PTPRS: variants seen among roughly 807,000 people sequenced by gnomAD.
The protein encoded by PTPRS is receptor-type tyrosine-protein phosphatase S.
In PTPRS, 63 loss-of-function variants were observed where a neutral mutation model predicts 215.3. The observed-to-expected ratio is 0.29, with a 90% CI of 0.24 to 0.36. The LOEUF (loss-of-function observed/expected upper bound fraction) is 0.36, where lower values mean the gene tolerates loss of function less well. Ranked by LOEUF, PTPRS falls within the 10% of genes least tolerant of loss-of-function variation. The probability of loss-of-function intolerance (pLI) is 1.00; values close to 1 mark genes in which losing one functional copy is unlikely to be tolerated. For synonymous variants in PTPRS, 1,404 were observed against 1,191.4 expected, an observed-to-expected ratio of 1.18 and a Z score of -3.68; for missense variants, 2,258 against 2,825.8, an observed-to-expected ratio of 0.80 and a Z score of 4.56.
chr19:5,216,817 G>C, intron 25 of PTPRS, 50 bp from the exon 26 acceptor site: 1 of 1,285,018 alleles, frequency 7.8e-7, no homozygotes. Flanking sequence ...GGGTAGGGGG[G>C]GGTCCCACCT....
chr19:5,233,247 C>G (rs867712464), intron 13 of PTPRS, among the ~76,000 whole-genome samples: 1 of 151,802 alleles, frequency 6.6e-6, no homozygotes, highest in Admixed American at 6.6e-5. Flanking sequence ...TATTAGACAC[C>G]TACTATGTGC....
intron 1 of PTPRS, among the ~76,000 whole-genome samples, chr19:5,317,704 T>C (rs749708329): frequency 5.9e-5 from 9 of 152,136 alleles, no homozygotes; most frequent in South Asian, 2.1e-4. Flanking sequence ...CAAACTCACA[T>C]AGATCTTTAA....
intron 1 of PTPRS, among the ~76,000 whole-genome samples, chr19:5,308,226 A>T (rs779810843): frequency 2.0e-5 from 3 of 152,180 alleles, no homozygotes; most frequent in Non-Finnish European, 4.4e-5. Flanking sequence ...GTTCCCCTCG[A>T]CGCTGCCACC....
At chr19:5,336,654 G>A (rs2050511059) in intron 1 of PTPRS, among the ~76,000 whole-genome samples, 1 of 152,128 alleles carries the variant, frequency 6.6e-6, no homozygotes, top group African/African-American at 2.4e-5. Context: ...AATCCATGGT[G>A]AATTTTTGGT....
chr19:5,264,668 G>A (rs2046273052), intron 5 of PTPRS, among the ~76,000 whole-genome samples: 2 of 152,134 alleles, frequency 1.3e-5, no homozygotes, highest in South Asian at 4.1e-4. Context: ...TGATCTCACT[G>A]CCTGAGCATG....
rs1599535443 is a variant in PTPRS at position 5,229,689 on chromosome 19, C to CGGGCGGGAGGGGAGGGGAG, written c.2156-24_2156-6dup. 2.9e-6 allele frequency: 1 copy of CGGGCGGGAGGGGAGGGGAG among 350,286 alleles called. No homozygotes were observed. Among genetic ancestry groups the CGGGCGGGAGGGGAGGGGAG allele is most frequent in the Non-Finnish European group, 4.4e-6 (1 of 229,586 alleles). The allele number at this position is 350,286 out of a possible 1,614,324, so 21.7% of individuals were successfully genotyped here. ...TCCGCGGCGGCGCGCTGGGCACTGG[C>CGGGCGGGAGGGGAGGGGAG]GGGCGGGAGGGGAGGGGAGGGGCGG... On this transcript the variant is annotated splice_polypyrimidine_tract_variant and splice_region_variant and intron_variant, in intron 14 of 37. Coordinates refer to ENST00000262963, the MANE Select transcript of PTPRS (RefSeq NM_002850.4).
At chr19:5,239,173 G>C in intron 12 of PTPRS, 110 bp from the exon 13 acceptor site, 2 of 717,038 alleles carry the variant, frequency 2.8e-6, no homozygotes, top group Non-Finnish European at 2.3e-6. Context: ...GGGAGAGAGA[G>C]AGAGAGAGAG....
chr19:5,325,496 AAG>A (rs137900726), intron 1 of PTPRS, among the ~76,000 whole-genome samples: 13,543 of 152,222 alleles, frequency 0.089, 745 homozygotes, highest in Non-Finnish European at 0.14. Flanking sequence ...CTGGAAAGAG[AAG>A]AGAGACGTCA....
chr19:5,210,602 G>A lies in PTPRS; in HGVS notation c.5362-8C>T. On this transcript the variant is annotated splice_polypyrimidine_tract_variant and splice_region_variant and intron_variant, in intron 34 of 37. Coordinates refer to ENST00000262963, the MANE Select transcript of PTPRS (RefSeq NM_002850.4). The surrounding 1 kb of genome is among the most constrained non-coding windows in gnomAD (Gnocchi z 4.5). Reference sequence around the variant, plus strand: ...GTACTGGTGACACTTCTCCTGTGGAGGAGATGGCGGCCGTGGTCAGCGCTG... The same window carrying A: ...GTACTGGTGACACTTCTCCTGTGGAAGAGATGGCGGCCGTGGTCAGCGCTG... 1 of 1,614,194 alleles carries A rather than the reference G, an allele frequency of 6.2e-7. No homozygotes were observed. Among genetic ancestry groups the A allele is most frequent in the Non-Finnish European group, 8.5e-7 (1 of 1,180,028 alleles).
At position 5,212,089 on chromosome 19, in the gene PTPRS, G is replaced by C. The variant is rs1330569020; in HGVS notation, c.4931C>G (p.Ala1644Gly). ...TEDQYSFIHEALLEAVGCGNT... is the reference protein window; with the variant it reads ...TEDQYSFIHEGLLEAVGCGNT... Reference sequence around the variant, plus strand: ...GCCACAGCCCACGGCCTCCAGCAGGGCCTCGTGGATGAAGCTGTACTGGTC... The same window carrying C: ...GCCACAGCCCACGGCCTCCAGCAGGCCCTCGTGGATGAAGCTGTACTGGTC... Residue 1644 changes from alanine (A) to glycine (G), a missense_variant, in exon 32 of 38, where the codon GCC (alanine) becomes GGC (glycine). Physicochemically the swap from Ala to Gly is moderately conservative, Grantham distance 60. Coordinates refer to ENST00000262963, the MANE Select transcript of PTPRS (RefSeq NM_002850.4). The C allele has an allele frequency of 6.2e-7, 1 of 1,614,062 alleles. No homozygotes were observed. The highest frequency in any genetic ancestry group is 8.5e-7 in the Non-Finnish European group (1 of 1,180,054).
Position 5,263,101 on chromosome 19 carries a change from C to T in PTPRS, c.569-129G>A, listed in dbSNP as rs141646882. Reference sequence around the variant, plus strand: ...AGGGGGACGCTCAGAATAATAATAACAACATTTCTTATGATTCCTAAAGTG... The same window carrying T: ...AGGGGGACGCTCAGAATAATAATAATAACATTTCTTATGATTCCTAAAGTG... On this transcript the variant is annotated intron_variant, in intron 5 of 37. Coordinates refer to ENST00000262963, the MANE Select transcript of PTPRS (RefSeq NM_002850.4). The T allele has an allele frequency of 1.8e-3, 1,424 of 771,590 alleles. 27 individuals carry two copies. Among genetic ancestry groups the T allele is most frequent in the South Asian group, 0.014 (844 of 61,264 alleles). The allele number at this position is 771,590 out of a possible 1,614,324, so 47.8% of individuals were successfully genotyped here.
Position 5,246,884 on chromosome 19 carries a change from T to TGAGA in PTPRS, c.719-843_719-840dup, listed in dbSNP as rs35986633. Reference sequence around the variant, plus strand: ...GTCACAAACATCATGCAAAATAGATTGAGAGAGAGAGAGAGAGAGAAAGAG... The same window carrying TGAGA: ...GTCACAAACATCATGCAAAATAGATTGAGAGAGAGAGAGAGAGAGAGAGAAAGAG... On this transcript the variant is annotated intron_variant, in intron 9 of 37. Coordinates refer to ENST00000262963, the MANE Select transcript of PTPRS (RefSeq NM_002850.4). 9.6e-4 allele frequency among the ~76,000 whole-genome samples: 141 copies of TGAGA among 146,952 alleles called. 1 individual carries two copies. In the East Asian group the frequency reaches 0.011, roughly 11 times the overall value.
At chr19:5,251,064 T>C in intron 9 of PTPRS, 1 of 157,986 alleles carries the variant, frequency 6.3e-6, no homozygotes, top group Non-Finnish European at 1.3e-5. Flanking sequence ...TGCCAAGAAA[T>C]TGTGCAGCCT....
rs1310505631 is a variant in PTPRS at position 5,275,120 on chromosome 19, G to A, written c.92-776C>T. On this transcript the variant is annotated intron_variant, in intron 2 of 37. Coordinates refer to ENST00000262963, the MANE Select transcript of PTPRS (RefSeq NM_002850.4). The stretch of plus-strand genomic sequence containing the variant: ...GTGTCTCACTCTGTCGCCCAAGCTG[G>A]AGTACAGTGGTGTGATCTCGGCTCA... Among the ~76,000 whole-genome samples, 5 of 151,364 alleles carry A rather than the reference G, an allele frequency of 3.3e-5. No individual in the cohort carries two copies. The South Asian group carries it at 6.3e-4, about 19-fold the overall frequency.
chr19:5,243,851 A>T, intron 11 of PTPRS, 50 bp downstream of exon 11: 1 of 1,401,370 alleles, frequency 7.1e-7, no homozygotes. Context: ...GCATGCAAAG[A>T]ACCAAGCCGC....
intron 2 of PTPRS, among the ~76,000 whole-genome samples, chr19:5,285,331 T>C (rs2048254331): frequency 6.6e-6 from 1 of 152,234 alleles, no homozygotes; most frequent in Admixed American, 6.5e-5. Flanking sequence ...AGGTCCTTCA[T>C]GGTGGGGTGA....
intron 4 of PTPRS, among the ~76,000 whole-genome samples, chr19:5,271,712 C>A (rs1229837870): frequency 6.7e-6 from 1 of 149,720 alleles, no homozygotes; most frequent in African/African-American, 2.5e-5. Context: ...CATTTTTATT[C>A]ATTCATTCAT....
At chr19:5,290,583 G>A (rs921656482) in intron 1 of PTPRS, among the ~76,000 whole-genome samples, 3 of 152,224 alleles carry the variant, frequency 2.0e-5, no homozygotes, top group Admixed American at 6.5e-5. Context: ...CGCACGAGGC[G>A]GGGGCTCCTC....
At chr19:5,212,546 C>T (rs1219550111) in intron 30 of PTPRS, 55 bp from the exon 31 acceptor site, 13 of 1,530,392 alleles carry the variant, frequency 8.5e-6, no homozygotes, top group Non-Finnish European at 1.1e-5. Context: ...CACCCATGTG[C>T]TGAAGATGCC....
Sources: allele counts gnomAD v4.1 joint callset (sites outside exome capture counted in the v4.1 genomes callset), GRCh38; gene constraint gnomAD v4.1.1; non-coding constraint Gnocchi (gnomAD v3.1); transcripts MANE v1.5; gene names NCBI Gene and HGNC (gene_info 2026-07-23, HGNC 2026-07-21).